Variants in FBXW7 observed in about 807,000 individuals in gnomAD.
FBXW7 encodes the protein F-box/WD repeat-containing protein 7.
Under a neutral mutation model 86.3 loss-of-function variants are expected in FBXW7, and 11 were observed. The ratio of observed to expected loss-of-function variants is 0.13; its 90% CI spans 0.08 to 0.21. The LOEUF is 0.21. Among genes scored for constraint, FBXW7 ranks in the 10% least tolerant of loss-of-function variants. The pLI, the probability that FBXW7 is intolerant of heterozygous loss-of-function variation, is 1.00. For missense variants in FBXW7, 488 were observed against 847.4 expected (o/e 0.58, Z 5.27); for synonymous variants, 313 against 297.9 (o/e 1.05, Z -0.52).
chr4:152,374,411 G>A (rs1380024858), intron 4 of FBXW7, among the ~76,000 whole-genome samples: 17 of 151,986 alleles, frequency 1.1e-4, no homozygotes, highest in Admixed American at 2.0e-4. Flanking sequence ...GTGTCAAACT[G>A]TATCTGAGTT....
intron 9 of FBXW7, 39 bp from the exon 10 acceptor site, chr4:152,329,824 A>G: frequency 8.4e-7 from 1 of 1,194,854 alleles, no homozygotes; most frequent in Non-Finnish European, 1.2e-6. Context: ...ATGTTAATTA[A>G]ATTATGTTCT....
chr4:152,422,734 A>T (rs1739054313), intron 2 of FBXW7, among the ~76,000 whole-genome samples: 1 of 152,184 alleles, frequency 6.6e-6, no homozygotes, highest in African/African-American at 2.4e-5. Flanking sequence ...AAGCTCCTCC[A>T]AGTGCTGATT....
chr4:152,530,134 TAC>T (rs61098491), intron 2 of FBXW7: 4 of 150,412 alleles, frequency 2.7e-5, no homozygotes, highest in East Asian at 1.9e-4. Flanking sequence ...TATATATATA[TAC>T]GTATATATAT....
intron 4 of FBXW7, among the ~76,000 whole-genome samples, chr4:152,359,909 T>G (rs1353095902): frequency 6.6e-6 from 1 of 152,176 alleles, no homozygotes; most frequent in African/African-American, 2.4e-5. Context: ...TGGTCTTGCT[T>G]CTGTGTTTAA....
At position 152,535,173 on chromosome 4, in the gene FBXW7, C is replaced by T. The variant is rs950491891; in HGVS notation, c.-259G>A. 2 of 158,398 alleles carry T rather than the reference C, an allele frequency of 1.3e-5. No individual in the cohort carries two copies. Among genetic ancestry groups the T allele is most frequent in the Non-Finnish European group, 2.8e-5 (2 of 72,388 alleles). 9.8% of individuals were successfully genotyped at this position (158,398 alleles called of 1,614,324 possible). A position where few individuals can be genotyped will look rare whatever the true frequency, so the allele number is the denominator to read the frequency against. The stretch of plus-strand genomic sequence containing the variant: ...GTCTTTTCAGGCTGCGGCTTCTGCC[C>T]GTCCAGGGCCACTTCTCCCGGGACA... On this transcript the variant is annotated 5_prime_UTR_variant, in exon 1 of 14. Coordinates refer to ENST00000281708, the MANE Select transcript of FBXW7 (RefSeq NM_001349798.2).
intron 2 of FBXW7, among the ~76,000 whole-genome samples, chr4:152,423,906 G>A (rs1189768833): frequency 6.6e-6 from 1 of 152,152 alleles, no homozygotes; most frequent in Non-Finnish European, 1.5e-5. Flanking sequence ...TTTTATTTGA[G>A]TGTTGTTACT....
intron 4 of FBXW7, among the ~76,000 whole-genome samples, chr4:152,350,431 TAACC>T (rs1731695420): frequency 6.6e-6 from 1 of 151,692 alleles, no homozygotes; most frequent in Non-Finnish European, 1.5e-5. Flanking sequence ...TCCAATTTAA[TAACC>T]AACATAGGGA....
intron 4 of FBXW7, among the ~76,000 whole-genome samples, chr4:152,365,406 T>C (rs980857391): frequency 5.3e-5 from 8 of 151,794 alleles, no homozygotes; most frequent in South Asian, 2.1e-4. Context: ...TGATTGAGAG[T>C]AGATGTGGAG....
chr4:152,519,228 G>A (rs1168430265), intron 2 of FBXW7, among the ~76,000 whole-genome samples: 1 of 152,128 alleles, frequency 6.6e-6, no homozygotes, highest in East Asian at 1.9e-4. Context: ...AATCCGGGAG[G>A]CAGAGCTTGC....
chr4:152,484,188 T>C (rs1239255556), intron 2 of FBXW7, among the ~76,000 whole-genome samples: 1 of 152,170 alleles, frequency 6.6e-6, no homozygotes, highest in African/African-American at 2.4e-5. Context: ...ACTTATTTTA[T>C]GGTTTTACAG....
intron 2 of FBXW7, among the ~76,000 whole-genome samples, chr4:152,492,546 T>A (rs1019656001): frequency 6.6e-6 from 1 of 152,354 alleles, no homozygotes; most frequent in Non-Finnish European, 1.5e-5. Context: ...TAGTTGACAG[T>A]CTTTTTAATT....
At chr4:152,457,643 CAAAAAAAAAAAAAA>C (rs769232533) in intron 2 of FBXW7, among the ~76,000 whole-genome samples, 25 of 57,464 alleles carry the variant, frequency 4.4e-4, no homozygotes, top group African/African-American at 1.6e-3. Context: ...GACTCTGTCT[CAAAAAAAAAAAAAA>C]AAAAAAAAGA....
chr4:152,349,547 T>C (rs1232308422), intron 5 of FBXW7, among the ~76,000 whole-genome samples: 4 of 151,824 alleles, frequency 2.6e-5, no homozygotes, highest in Non-Finnish European at 4.4e-5. Flanking sequence ...TCTACTGGTA[T>C]AGAAAAGAAA....
chr4:152,398,974 T>A (rs1736678039), intron 4 of FBXW7, among the ~76,000 whole-genome samples: 2 of 152,184 alleles, frequency 1.3e-5, no homozygotes, highest in South Asian at 2.1e-4. Context: ...ATGTTTAAAA[T>A]ATATATATCT....
At chr4:152,452,635 AAAG>A (rs1195438639) in intron 2 of FBXW7, among the ~76,000 whole-genome samples, 2 of 152,206 alleles carry the variant, frequency 1.3e-5, no homozygotes, top group Non-Finnish European at 2.9e-5. Context: ...GTTGAAAAAG[AAAG>A]AAGATCAGTT....
intron 4 of FBXW7, among the ~76,000 whole-genome samples, chr4:152,394,723 A>G (rs1248060095): frequency 2.6e-5 from 4 of 152,092 alleles, no homozygotes; most frequent in Non-Finnish European, 5.9e-5. Flanking sequence ...AGGATTTGCT[A>G]TATGCCAGTC....
chr4:152,373,832 T>C (rs1336295704), intron 4 of FBXW7, among the ~76,000 whole-genome samples: 3 of 152,040 alleles, frequency 2.0e-5, no homozygotes, highest in Non-Finnish European at 4.4e-5. Flanking sequence ...GCATGGGGGA[T>C]CATCATCTTA....
intron 4 of FBXW7, among the ~76,000 whole-genome samples, chr4:152,359,612 CAAAAACAAAA>C (rs1732731502): frequency 6.7e-6 from 1 of 150,350 alleles, no homozygotes; most frequent in Non-Finnish European, 1.5e-5. Flanking sequence ...CAAAAACTAC[CAAAAACAAAA>C]CAAAACAAAA....
intron 7 of FBXW7, among the ~76,000 whole-genome samples, chr4:152,336,569 G>A (rs2126574032): frequency 6.6e-6 from 1 of 152,134 alleles, no homozygotes; most frequent in South Asian, 2.1e-4. Context: ...ACTTATGTAA[G>A]TGTTTCCCAT....
Sources: allele counts gnomAD v4.1 joint callset (sites outside exome capture counted in the v4.1 genomes callset), GRCh38; gene constraint gnomAD v4.1.1; transcripts MANE v1.5; gene names NCBI Gene and HGNC (gene_info 2026-07-23, HGNC 2026-07-21).